VWA8: variants seen among roughly 807,000 people sequenced by gnomAD.
VWA8 encodes the protein von Willebrand factor A domain-containing protein 8.
VWA8 carries 221 observed loss-of-function variants against 241.5 expected under a neutral mutation model. The observed-to-expected ratio is 0.91, with a 90% CI of 0.82 to 1.02. The LOEUF (loss-of-function observed/expected upper bound fraction) is 1.02, where lower values mean the gene tolerates loss of function less well. Ranked by LOEUF, VWA8 falls within the 50% of genes least tolerant of loss-of-function variation. The pLI, the probability that VWA8 is intolerant of heterozygous loss-of-function variation, is 0.00. For missense variants in VWA8, 2,322 were observed against 2,328.7 expected (o/e 1.00, Z 0.06); for synonymous variants, 852 against 827.1 (o/e 1.03, Z -0.52).
chr13:41,838,271 G>A (rs1566476736), intron 12 of VWA8, among the ~76,000 whole-genome samples: 1 of 152,000 alleles, frequency 6.6e-6, no homozygotes, highest in African/African-American at 2.4e-5. Flanking sequence ...GTACAAAGTG[G>A]TTGTGTGTAC....
intron 26 of VWA8, 41 bp from the exon 27 acceptor site, chr13:41,703,452 C>T (rs778571126): frequency 4.3e-5 from 68 of 1,570,608 alleles, no homozygotes; most frequent in Middle Eastern, 3.3e-4. Context: ...TCTTATTGTA[C>T]CCAAGTCATA....
chr13:41,822,858 GCA>G (rs1433440470), intron 14 of VWA8, among the ~76,000 whole-genome samples: 1 of 152,028 alleles, frequency 6.6e-6, no homozygotes, highest in African/African-American at 2.4e-5. Context: ...ACAAAAAAGA[GCA>G]CACACTATGT....
At chr13:41,743,989 G>A (rs2045586295) in intron 21 of VWA8, among the ~76,000 whole-genome samples, 1 of 152,204 alleles carries the variant, frequency 6.6e-6, no homozygotes, top group South Asian at 2.1e-4. Flanking sequence ...ACTAATGGGA[G>A]TTACCTCACC....
At chr13:41,955,969 A>T (rs1172535506) in intron 1 of VWA8, 3 of 152,192 alleles carry the variant, frequency 2.0e-5, no homozygotes, top group Non-Finnish European at 4.4e-5. Flanking sequence ...CACGTTTCAG[A>T]ATGGAGCTCT....
intron 39 of VWA8, among the ~76,000 whole-genome samples, chr13:41,607,445 C>G (rs1354606238): frequency 6.6e-6 from 1 of 151,172 alleles, no homozygotes; most frequent in Non-Finnish European, 1.5e-5. Flanking sequence ...TCTGAAATCT[C>G]TCTATGACTT....
intron 38 of VWA8, among the ~76,000 whole-genome samples, chr13:41,613,424 G>T (rs2044602048): frequency 6.6e-6 from 1 of 152,168 alleles, no homozygotes; most frequent in African/African-American, 2.4e-5. Flanking sequence ...AGGAGGAAAA[G>T]GTGTTTCTGG....
At chr13:41,641,583 T>C (rs1384071076) in intron 37 of VWA8, among the ~76,000 whole-genome samples, 2 of 152,110 alleles carry the variant, frequency 1.3e-5, no homozygotes, top group African/African-American at 4.8e-5. Context: ...AGAGTTATTA[T>C]AATGTCTACT....
intron 4 of VWA8, among the ~76,000 whole-genome samples, chr13:41,893,717 C>T (rs1347109100): frequency 6.6e-6 from 1 of 152,088 alleles, no homozygotes; most frequent in African/African-American, 2.4e-5. Context: ...AACCCCGTCT[C>T]TACTAGAAAT....
chr13:41,583,364 C>T (rs1238171795), intron 42 of VWA8, among the ~76,000 whole-genome samples: 1 of 152,124 alleles, frequency 6.6e-6, no homozygotes, highest in Non-Finnish European at 1.5e-5. Flanking sequence ...CAGCCTAGGG[C>T]CAGGTGCGGT....
At chr13:41,736,512 T>G (rs1379117049) in intron 21 of VWA8, among the ~76,000 whole-genome samples, 1 of 152,178 alleles carries the variant, frequency 6.6e-6, no homozygotes, top group Non-Finnish European at 1.5e-5. Context: ...GTACATTAAG[T>G]TAGTATCTTC....
chr13:41,840,721 C>T (rs559417347), intron 12 of VWA8, among the ~76,000 whole-genome samples: 71 of 150,562 alleles, frequency 4.7e-4, no homozygotes, highest in African/African-American at 1.6e-3. Flanking sequence ...ATTGCACCAC[C>T]GCACTCTAGC....
chr13:41,719,497 A>G lies in VWA8; in HGVS notation c.3116+94T>C. The G allele has an allele frequency of 3.8e-6, 6 of 1,585,026 alleles. No individual in the cohort carries two copies. The South Asian group carries it at 7.0e-5, about 19-fold the overall frequency. On this transcript the variant is annotated intron_variant, in intron 26 of 44. Coordinates refer to ENST00000379310, the MANE Select transcript of VWA8 (RefSeq NM_015058.2). ...GTATTTGAAAAGCTTACTCATGGAAAGTAATTTCCATAGCAACTCAGTTTT... is the reference window on the plus strand; with the variant it reads ...GTATTTGAAAAGCTTACTCATGGAAGGTAATTTCCATAGCAACTCAGTTTT...
At chr13:41,845,234 A>G (rs779299930) in intron 12 of VWA8, among the ~76,000 whole-genome samples, 1 of 152,106 alleles carries the variant, frequency 6.6e-6, no homozygotes, top group African/African-American at 2.4e-5. Context: ...TGCCAATCAA[A>G]ACAATGAGAT....
chr13:41,690,378 A>T, intron 32 of VWA8, 103 bp from the exon 33 acceptor site: 2 of 935,328 alleles, frequency 2.1e-6, no homozygotes, highest in South Asian at 3.7e-5. Flanking sequence ...TCTTTTTTAT[A>T]GTTCCAGTAT....
At chr13:41,703,538 C>T in intron 26 of VWA8, 127 bp from the exon 27 acceptor site, 1 of 715,512 alleles carries the variant, frequency 1.4e-6, no homozygotes, top group Non-Finnish European at 2.3e-6. Context: ...GTGAGTTATA[C>T]ATCATTTTAT....
chr13:41,958,953 G>A (rs1353724574), intron 1 of VWA8, among the ~76,000 whole-genome samples: 1 of 152,120 alleles, frequency 6.6e-6, no homozygotes, highest in Non-Finnish European at 1.5e-5. Flanking sequence ...ACCCACATGT[G>A]TTTTTACAAT....
chr13:41,790,855 T>A (rs1869424396), intron 17 of VWA8, among the ~76,000 whole-genome samples: 1 of 151,924 alleles, frequency 6.6e-6, no homozygotes, highest in Non-Finnish European at 1.5e-5. Flanking sequence ...GATGAGGTAC[T>A]TAGGGAATTC....
At chr13:41,571,913 G>T (rs1458701306) in intron 43 of VWA8, among the ~76,000 whole-genome samples, 1 of 151,916 alleles carries the variant, frequency 6.6e-6, no homozygotes, top group Non-Finnish European at 1.5e-5. Context: ...GAGTGTCTCT[G>T]CCCGGCCGCC....
intron 9 of VWA8, among the ~76,000 whole-genome samples, chr13:41,877,425 A>C (rs546191860): frequency 2.6e-5 from 4 of 152,166 alleles, no homozygotes; most frequent in African/African-American, 9.6e-5. Flanking sequence ...CACATATTAA[A>C]ATAGTTATTT....
Sources: gnomAD v4.1 joint callset for allele counts (sites outside exome capture counted in the v4.1 genomes callset) on GRCh38, gnomAD v4.1.1 for gene constraint, MANE v1.5 for transcripts, NCBI Gene and HGNC (gene_info 2026-07-23, HGNC 2026-07-21) for gene names.